CTXND1: variants seen among roughly 807,000 people sequenced by gnomAD.
The protein encoded by CTXND1 is cortexin domain-containing 1 protein.
At chr15:80,218,503 AC>A (rs2142128638) in intron 1 of CTXND1, among the ~76,000 whole-genome samples, 1 of 152,258 alleles carries the variant, frequency 6.6e-6, no homozygotes, top group East Asian at 1.9e-4. Flanking sequence ...GCTTTCCAGA[AC>A]TTTCTGCATT....
At chr15:80,240,859 C>T (rs894020693) in intron 1 of CTXND1, among the ~76,000 whole-genome samples, 2 of 152,184 alleles carry the variant, frequency 1.3e-5, no homozygotes, top group Non-Finnish European at 2.9e-5. Flanking sequence ...GTCAAAGCAT[C>T]CGGATATCCT....
Position 80,197,646 on chromosome 15 carries a change from C to T in CTXND1, c.*4124G>A, listed in dbSNP as rs923791700. The T allele has an allele frequency of 2.0e-5, 3 of 152,232 alleles. No individual in the cohort carries two copies. Among genetic ancestry groups the T allele is most frequent in the African/African-American group, 7.2e-5 (3 of 41,444 alleles). 9.4% of individuals were successfully genotyped at this position (152,232 alleles called of 1,614,324 possible). A position where few individuals can be genotyped will look rare whatever the true frequency, so the allele number is the denominator to read the frequency against. The stretch of plus-strand genomic sequence containing the variant: ...TATGATTGGACAGAATAGCTGGGCA[C>T]ATGGATGTGGACCCAGATAACTCTG... On this transcript the variant is annotated 3_prime_UTR_variant, in exon 3 of 3. Coordinates refer to ENST00000560778, the MANE Select transcript of CTXND1 (RefSeq NM_001352888.2).
intron 1 of CTXND1, among the ~76,000 whole-genome samples, chr15:80,213,499 TA>T (rs1411573945): frequency 6.6e-6 from 1 of 152,112 alleles, no homozygotes; most frequent in Non-Finnish European, 1.5e-5. Flanking sequence ...AGTGTCCTTA[TA>T]AGAGAGAGGC....
At chr15:80,244,185 C>T (rs537879393) in intron 1 of CTXND1, among the ~76,000 whole-genome samples, 1 of 152,324 alleles carries the variant, frequency 6.6e-6, no homozygotes, top group East Asian at 1.9e-4. Context: ...TTGTTTTCTG[C>T]TGAACGTAAG....
At position 80,238,711 on chromosome 15, in the gene CTXND1, G is replaced by A. The variant is rs530498408; in HGVS notation, c.-218+13296C>T. 2.4e-3 allele frequency among the ~76,000 whole-genome samples: 359 copies of A among 152,214 alleles called. 1 individual carries two copies. Among genetic ancestry groups the A allele is most frequent in the African/African-American group, 8.2e-3 (340 of 41,536 alleles). On this transcript the variant is annotated intron_variant, in intron 1 of 2. Transcript: ENST00000560778. ...AGGATGGTCTCGATCTCCTGACCTC[G>A]TGATCCACCCGCCTTGGCCTCCCAA... is the stretch of plus-strand genomic sequence containing the variant.
At chr15:80,223,936 G>A (rs1414623267) in intron 1 of CTXND1, among the ~76,000 whole-genome samples, 1 of 152,118 alleles carries the variant, frequency 6.6e-6, no homozygotes, top group Non-Finnish European at 1.5e-5. Flanking sequence ...TTGAGCCTGG[G>A]TAGGCCTTTG....
At chr15:80,224,009 A>T (rs929274007) in intron 1 of CTXND1, among the ~76,000 whole-genome samples, 7 of 152,166 alleles carry the variant, frequency 4.6e-5, no homozygotes, top group Non-Finnish European at 1.0e-4. Flanking sequence ...GAGTTAGAAA[A>T]GGCCACATCA....
intron 1 of CTXND1, among the ~76,000 whole-genome samples, chr15:80,204,199 T>TATATATATATATATATAC (rs1267164168): frequency 3.7e-5 from 1 of 26,778 alleles, no homozygotes; most frequent in African/African-American, 1.4e-4. Context: ...TATATATATA[T>TATATATATATATATATAC]ACACAAACAC....
rs147369091 is a variant in CTXND1 at position 80,219,318 on chromosome 15, C to G, written c.-217-15578G>C. 1.5e-3 allele frequency among the ~76,000 whole-genome samples: 222 copies of G among 152,204 alleles called. 1 individual carries two copies. The highest frequency in any genetic ancestry group is 0.01 in the Middle Eastern group (3 of 294). On this transcript the variant is annotated intron_variant, in intron 1 of 2. Transcript: ENST00000560778. ...TCTTGCTACTTGCTTTTTCATTCAA[C>G]TCGATGACTTTGAGACTTTTCCTCA...
intron 1 of CTXND1, among the ~76,000 whole-genome samples, chr15:80,231,250 C>T (rs1228539601): frequency 6.6e-6 from 1 of 151,888 alleles, no homozygotes; most frequent in Non-Finnish European, 1.5e-5. Context: ...CATGGTCAAG[C>T]CCTCAATGCT....
Position 80,199,285 on chromosome 15 carries a change from G to T in CTXND1, c.*2485C>A, listed in dbSNP as rs1030209856. 2.6e-5 allele frequency: 4 copies of T among 152,210 alleles called. No homozygotes were observed. The highest frequency in any genetic ancestry group is 9.7e-5 in the African/African-American group (4 of 41,438). The allele number at this position is 152,210 out of a possible 1,614,324, so 9.4% of individuals were successfully genotyped here. ...ACATTCTGTACGTAGGTCTGGAGGG[G>T]GCTGTGAGTTTGGGTTTCTAACAAG... On this transcript the variant is annotated 3_prime_UTR_variant, in exon 3 of 3. Transcript: ENST00000560778.
chr15:80,231,378 T>C (rs919677944), intron 1 of CTXND1, among the ~76,000 whole-genome samples: 1 of 151,272 alleles, frequency 6.6e-6, no homozygotes, highest in African/African-American at 2.4e-5. Flanking sequence ...CTGCCATTTT[T>C]ATCCTGCATT....
chr15:80,210,682 G>A (rs1893195083), intron 1 of CTXND1, among the ~76,000 whole-genome samples: 1 of 152,244 alleles, frequency 6.6e-6, no homozygotes, highest in Admixed American at 6.5e-5. Context: ...TTTCTATGCT[G>A]ATGTATTTCC....
chr15:80,228,424 T>A (rs984512156), intron 1 of CTXND1, among the ~76,000 whole-genome samples: 1 of 152,172 alleles, frequency 6.6e-6, no homozygotes, highest in South Asian at 2.1e-4. Context: ...CCTTACAAAA[T>A]GTATTTCTTA....
At position 80,197,518 on chromosome 15, in the gene CTXND1, C is replaced by T. The variant is rs1045085317; in HGVS notation, c.*4252G>A. On this transcript the variant is annotated 3_prime_UTR_variant, in exon 3 of 3. Transcript: ENST00000560778. The stretch of plus-strand genomic sequence containing the variant: ...CTGAAAAGTCCCAAGGAGAACCCTC[C>T]TAAAGGGAGAGAGTCTTTGCTGATG... The T allele has an allele frequency of 2.0e-5, 3 of 152,250 alleles. No individual in the cohort carries two copies. Among genetic ancestry groups the T allele is most frequent in the African/African-American group, 7.2e-5 (3 of 41,446 alleles). The allele number at this position is 152,250 out of a possible 1,614,324, so 9.4% of individuals were successfully genotyped here.
At chr15:80,203,378 AAGGTCCCACATCCCACACCCG>A (rs1893108919) in intron 2 of CTXND1, among the ~76,000 whole-genome samples, 190 bp downstream of exon 2, 1 of 152,176 alleles carries the variant, frequency 6.6e-6, no homozygotes. Context: ...TGACGTATCC[AAGGTCCCACATCCCACACCCG>A]AGGTCCCTAC....
In CTXND1 at chr15:80,211,325, A is replaced by T. The variant is rs1893202473; in HGVS notation, c.-217-7585T>A. Among the ~76,000 whole-genome samples, 5 of 152,240 alleles carry T rather than the reference A, an allele frequency of 3.3e-5. No homozygotes were observed. In the South Asian group the frequency reaches 1.0e-3, roughly 31 times the overall value. The stretch of plus-strand genomic sequence containing the variant: ...CTCAGGGTAAGAAGAATCCGAGTTG[A>T]CCATGTGCAATCATCAGCTGGTTCT... On this transcript the variant is annotated intron_variant, in intron 1 of 2. Coordinates refer to ENST00000560778, the MANE Select transcript of CTXND1 (RefSeq NM_001352888.2).
At chr15:80,227,355 T>C (rs1207768637) in intron 1 of CTXND1, among the ~76,000 whole-genome samples, 1 of 152,206 alleles carries the variant, frequency 6.6e-6, no homozygotes, top group Non-Finnish European at 1.5e-5. Flanking sequence ...TCAGTTTAAA[T>C]AGTCATCCAG....
chr15:80,234,402 T>C (rs1893468501), intron 1 of CTXND1, among the ~76,000 whole-genome samples: 2 of 151,802 alleles, frequency 1.3e-5, no homozygotes, highest in Non-Finnish European at 2.9e-5. Context: ...GGGTCAGGGA[T>C]AGGGTGAGAC....
Sources: gnomAD v4.1 joint callset for allele counts (sites outside exome capture counted in the v4.1 genomes callset) on GRCh38, gnomAD v4.1.1 for gene constraint, MANE v1.5 for transcripts, NCBI Gene and HGNC (gene_info 2026-07-23, HGNC 2026-07-21) for gene names.